IL9R: variants seen among roughly 807,000 people sequenced by gnomAD.
IL9R encodes the protein interleukin-9 receptor.
In IL9R, 54 loss-of-function variants were observed where a neutral mutation model predicts 56.3. That is an observed-to-expected ratio of 0.96 (90% CI 0.77 to 1.20). The LOEUF (loss-of-function observed/expected upper bound fraction) is 1.20. Among genes scored for constraint, IL9R ranks in the 50% most tolerant of loss-of-function variants. IL9R has a pLI of 0.00. For synonymous variants in IL9R, 212 were observed against 250.2 expected, an observed-to-expected ratio of 0.85 and a Z score of 1.44; for missense variants, 545 against 629.8, an observed-to-expected ratio of 0.87 and a Z score of 1.44.
Position 156,010,488 on chromosome X carries a change from C to T in IL9R, c.*79C>T. On this transcript the variant is annotated 3_prime_UTR_variant, in exon 9 of 9. Coordinates refer to ENST00000244174, the MANE Select transcript of IL9R (RefSeq NM_002186.3). ...TCTGGAGCCCTTGTCTGAGACTGAA[C>T]CTCCTGAGAAGGGGCCCCTAGCAGC... The T allele has an allele frequency of 2.5e-6, 1 of 398,558 alleles. No individual in the cohort carries two copies. The highest frequency in any genetic ancestry group is 5.6e-4 in the Middle Eastern group (1 of 1,788). 24.7% of individuals were successfully genotyped at this position (398,558 alleles called of 1,614,324 possible).
chrX:156,005,564 C>A (rs2067873917), intron 6 of IL9R, 85 bp downstream of exon 6: 3 of 1,170,850 alleles, frequency 2.6e-6, no homozygotes, highest in African/African-American at 1.5e-5. Context: ...TGCACCCTTT[C>A]ACCCTCCTGT....
intron 1 of IL9R, 172 bp from the exon 2 acceptor site, chrX:156,002,734 T>A (rs2067616573): frequency 2.2e-6 from 2 of 905,286 alleles, no homozygotes; most frequent in Admixed American, 4.2e-5. Flanking sequence ...TCCTTATCAG[T>A]AAAGCCTGGA....
intron 1 of IL9R, among the ~76,000 whole-genome samples, chrX:155,999,727 A>G (rs1404246616): frequency 6.6e-6 from 1 of 152,088 alleles, no homozygotes; most frequent in Non-Finnish European, 1.5e-5. Flanking sequence ...CCCCCAGCAG[A>G]CAGAAGACCT....
rs369685047 is a variant in IL9R at position 156,004,445 on chromosome X, G to A, written c.459G>A (p.Leu153=). ...RHVKLDPPSD[L]QSNISSGHCI... ...TTAAGCTGGACCCGCCCTCTGACTT[G>A]CAGAGCAACATCAGTTCTGGCCACT... The change falls in exon 5 of 9, where the codon TTG becomes TTA. Residue 153 remains leucine (L), a synonymous_variant. Coordinates refer to ENST00000244174, the MANE Select transcript of IL9R (RefSeq NM_002186.3). The A allele has an allele frequency of 1.9e-6, 3 of 1,613,906 alleles. No homozygotes were observed. The highest frequency in any genetic ancestry group is 1.1e-5 in the South Asian group (1 of 91,056).
intron 5 of IL9R, among the ~76,000 whole-genome samples, chrX:156,005,028 G>T (rs1314869752): frequency 6.6e-6 from 1 of 152,106 alleles, no homozygotes; most frequent in African/African-American, 2.4e-5. Flanking sequence ...TGATGAGTGT[G>T]AAAGTGTTCC....
At chrX:156,002,871 G>T in intron 1 of IL9R, 35 bp from the exon 2 acceptor site, 1 of 1,613,268 alleles carries the variant, frequency 6.2e-7, no homozygotes. Flanking sequence ...AGAGAGGGAT[G>T]ATTTGCACAG....
intron 3 of IL9R, 54 bp downstream of exon 3, chrX:156,003,614 G>C: frequency 6.2e-7 from 1 of 1,611,022 alleles, no homozygotes; most frequent in Non-Finnish European, 8.5e-7. Context: ...AGTTCCCCAG[G>C]ATTGAAGCAG....
At chrX:156,003,180 C>T (rs2067660106) in intron 2 of IL9R, among the ~76,000 whole-genome samples, 161 bp downstream of exon 2, 2 of 152,040 alleles carry the variant, frequency 1.3e-5, no homozygotes, top group African/African-American at 2.4e-5. Context: ...TCTAGTCTCC[C>T]TACTTTTACC....
rs1175994640 is a variant in IL9R, at chrX:156,004,174, G to A, written c.434-246G>A. The A allele has an allele frequency of 6.7e-6, 4 of 600,734 alleles. No individual in the cohort carries two copies. The African/African-American group carries it at 7.4e-5, about 11-fold the overall frequency. The allele number at this position is 600,734 out of a possible 1,614,324, so 37.2% of individuals were successfully genotyped here. A position where few individuals can be genotyped will look rare whatever the true frequency, so the allele number is the denominator to read the frequency against. On this transcript the variant is annotated intron_variant, in intron 4 of 8. Transcript: ENST00000244174. ...AAGATGCTGGGAAAAGCTTCCAGCA[G>A]CAGACTGTGAAGGAAAGGGAAAGCA...
Position 156,004,408 on chromosome X carries a change from A to G in IL9R, c.434-12A>G. ...TGGGGCTTCAGCCTCACATGGATTCACTCTGTTCCAGTTAAGCTGGACCCG... is the reference window on the plus strand; with the variant it reads ...TGGGGCTTCAGCCTCACATGGATTCGCTCTGTTCCAGTTAAGCTGGACCCG... On this transcript the variant is annotated splice_polypyrimidine_tract_variant and intron_variant, in intron 4 of 8. Transcript: ENST00000244174. The G allele has an allele frequency of 6.2e-7, 1 of 1,613,584 alleles. No homozygotes were observed. Among genetic ancestry groups the G allele is most frequent in the Non-Finnish European group, 8.5e-7 (1 of 1,179,732 alleles).
intron 7 of IL9R, among the ~76,000 whole-genome samples, chrX:156,006,772 C>T (rs945439789): frequency 4.0e-5 from 6 of 151,590 alleles, no homozygotes; most frequent in African/African-American, 7.3e-5. Context: ...GAGGGTGCTT[C>T]GCTTCTCCTT....
At chrX:156,009,254 G>GTGTGTGTGTGTTTA (rs2068287739) in intron 8 of IL9R, among the ~76,000 whole-genome samples, 6 of 58,346 alleles carry the variant, frequency 1.0e-4, no homozygotes, top group East Asian at 1.1e-3. Flanking sequence ...GTGTGTGTCT[G>GTGTGTGTGTGTTTA]TGTGTGTGTG....
chrX:156,002,287 T>C (rs753174705), intron 1 of IL9R, among the ~76,000 whole-genome samples: 2 of 151,684 alleles, frequency 1.3e-5, no homozygotes, highest in South Asian at 4.2e-4. Context: ...GAGGCGGAGG[T>C]TGCAGTGAGC....
At chrX:156,000,285 A>G (rs2067432347) in intron 1 of IL9R, among the ~76,000 whole-genome samples, 1 of 152,036 alleles carries the variant, frequency 6.6e-6, no homozygotes, top group South Asian at 2.1e-4. Flanking sequence ...GACTGCCTCC[A>G]TGATGGTGGC....
chrX:156,002,342 T>G (rs2067588801), intron 1 of IL9R, among the ~76,000 whole-genome samples: 1 of 151,850 alleles, frequency 6.6e-6, no homozygotes, highest in South Asian at 2.1e-4. Flanking sequence ...AGAGGGAGAC[T>G]GTCTCAAAAA....
chrX:156,003,478 A>G lies in IL9R; in HGVS notation c.172A>G (p.Thr58Ala). The G allele has an allele frequency of 6.2e-7, 1 of 1,611,962 alleles. No homozygotes were observed. Among genetic ancestry groups the G allele is most frequent in the South Asian group, 1.1e-5 (1 of 90,974 alleles). ...AAGGTCTAGAACCTTCACCTGCCTCACCAACAACATTCTCAGGATCGATTG... is the reference window on the plus strand; with the variant it reads ...AAGGTCTAGAACCTTCACCTGCCTCGCCAACAACATTCTCAGGATCGATTG... ...GPRSRTFTCL[T>A]NNILRIDCHW... Residue 58 changes from threonine (T) to alanine (A), a missense_variant, in exon 3 of 9, where the codon ACC (threonine) becomes GCC (alanine). By Grantham distance (58) the Thr-to-Ala change is moderately conservative. This residue lies in a region of IL9R where 431 missense variants were observed against 360.0 expected (regional missense o/e 1.20). Coordinates refer to ENST00000244174, the MANE Select transcript of IL9R (RefSeq NM_002186.3).
intron 5 of IL9R, among the ~76,000 whole-genome samples, 169 bp downstream of exon 5, chrX:156,004,734 A>G (rs2067794830): frequency 6.6e-6 from 1 of 152,020 alleles, no homozygotes; most frequent in African/African-American, 2.4e-5. Flanking sequence ...TGTATGCTTT[A>G]TGTGTGTGTA....
intron 8 of IL9R, among the ~76,000 whole-genome samples, chrX:156,008,836 G>C (rs766070122): frequency 9.8e-5 from 15 of 152,304 alleles, no homozygotes; most frequent in African/African-American, 3.6e-4. Context: ...TGCTTTGAAA[G>C]TCACCAGTCC....
At chrX:156,006,997 A>G (rs1028383096) in intron 7 of IL9R, among the ~76,000 whole-genome samples, 6 of 151,710 alleles carry the variant, frequency 4.0e-5, no homozygotes, top group Admixed American at 2.0e-4. Context: ...TAGAAGGGAC[A>G]TGTGGGTGGA....
Sources: gnomAD v4.1 joint callset for allele counts (sites outside exome capture counted in the v4.1 genomes callset) on GRCh38, gnomAD v4.1.1 for gene constraint, gnomAD v4.1.1 regional missense constraint, MANE v1.5 for transcripts, NCBI Gene and HGNC (gene_info 2026-07-23, HGNC 2026-07-21) for gene names.